DDRGK1: variants seen among roughly 807,000 people sequenced by gnomAD.
DDRGK1 encodes the protein DDRGK domain containing 1.
A neutral mutation model predicts 45.8 loss-of-function variants in DDRGK1; 38 were observed. The ratio of observed to expected loss-of-function variants is 0.83; its 90% CI spans 0.64 to 1.09. The LOEUF is 1.09. Ranked by LOEUF, DDRGK1 falls within the 50% of genes least tolerant of loss-of-function variation. The pLI is 0.00. For synonymous variants in DDRGK1, 171 were observed against 168.7 expected (o/e 1.01, Z -0.11); for missense variants, 403 against 419.9 (o/e 0.96, Z 0.35).
Position 3,200,052 on chromosome 20 carries a change from T to C in DDRGK1, c.459A>G (p.Glu153=). The C allele has an allele frequency of 2.5e-6, 4 of 1,613,982 alleles. No homozygotes were observed. The highest frequency in any genetic ancestry group is 2.5e-6 in the Non-Finnish European group (3 of 1,180,002). ...GCTCCTCCTCCTTCTTCCACTCAGCTTCGCGCTGGGACTCGAGTCGTTTCC... is the reference window on the plus strand; with the variant it reads ...GCTCCTCCTCCTTCTTCCACTCAGCCTCGCGCTGGGACTCGAGTCGTTTCC... ...EERKRLESQR[E]AEWKKEEERL... Residue 153 remains glutamate (E), a synonymous_variant, in exon 4 of 9, where the codon GAA becomes GAG. Transcript: ENST00000354488.
rs963488602 is a variant in DDRGK1 at position 3,195,178 on chromosome 20, ACAGGCTG to A, written c.633+46_633+52del. 3.0e-5 allele frequency: 48 copies of A among 1,612,244 alleles called. No homozygotes were observed. In the African/African-American group the frequency reaches 5.9e-4, roughly 20 times the overall value. ...TGGGGTGGCTAGCCTTGCGTCTGGC[ACAGGCTG>A]CACTGATGGGTGCAGAGAGGGGCTT... On this transcript the variant is annotated intron_variant, in intron 5 of 8. Transcript: ENST00000354488.
At chr20:3,203,133 C>T (rs2067048110) in intron 2 of DDRGK1, 80 bp downstream of exon 2, 3 of 1,321,586 alleles carry the variant, frequency 2.3e-6, no homozygotes, top group Admixed American at 2.9e-5. Context: ...TCATACCCTA[C>T]TCCCCCACTT....
chr20:3,198,296 C>CG (rs1408021536), intron 4 of DDRGK1, among the ~76,000 whole-genome samples: 6 of 146,852 alleles, frequency 4.1e-5, no homozygotes, highest in African/African-American at 1.5e-4. Flanking sequence ...CCCACCTACT[C>CG]GGGAGAATGA....
chr20:3,200,519 C>G, intron 2 of DDRGK1, 65 bp from the exon 3 acceptor site: 1 of 1,414,986 alleles, frequency 7.1e-7, no homozygotes, highest in Middle Eastern at 1.8e-4. Flanking sequence ...GATGGATCCC[C>G]AACCCCTCGT....
intron 4 of DDRGK1, among the ~76,000 whole-genome samples, chr20:3,198,825 A>G (rs1340984662): frequency 6.9e-6 from 1 of 144,144 alleles, no homozygotes; most frequent in African/African-American, 2.6e-5. Context: ...AAGAAAAAGG[A>G]TACTGGGAAA....
At position 3,190,667 on chromosome 20, in the gene DDRGK1, G is replaced by T; in HGVS notation, c.931C>A (p.Gln311Lys). 6.2e-7 allele frequency: 1 copy of T among 1,613,868 alleles called. No individual in the cohort carries two copies. The highest frequency in any genetic ancestry group is 1.7e-4 in the Middle Eastern group (1 of 5,946). The change falls in exon 9 of 9, where the codon CAA (glutamine) becomes AAA (lysine). Residue 311 changes from glutamine (Q) to lysine (K), a missense_variant. By Grantham distance (53) the Gln-to-Lys change is moderately conservative (BLOSUM62 1). Transcript: ENST00000354488. ...AAGGACTGGGGTCAGGCTGGGGCTT[G>T]GGCAGGGGACTCCCGGCCCCAGGCG... The part of the protein sequence containing the change: ...LIAWGRESPA[Q>K]APA
rs746884824 is a variant in DDRGK1, at chr20:3,195,332, G to A, written c.532C>T (p.Arg178Cys). 14 of 1,606,924 alleles carry A rather than the reference G, an allele frequency of 8.7e-6. No homozygotes were observed. The highest frequency in any genetic ancestry group is 4.0e-5 in the African/African-American group (3 of 74,752). The change falls in exon 5 of 9, where the codon CGC (arginine) becomes TGC (cysteine). Residue 178 changes from arginine to cysteine, a missense_variant. Coordinates refer to ENST00000354488, the MANE Select transcript of DDRGK1 (RefSeq NM_023935.3). ...TGCTCCCGCTGGGCCTGCTCCTCGC[G>A]GGCCTTCCTCTCCTCCTCCTCCTGT... is the stretch of plus-strand genomic sequence containing the variant. ...EQKEEEERKAREEQAQREHEE... is the reference protein window; with the variant it reads ...EQKEEEERKACEEQAQREHEE...
intron 1 of DDRGK1, 128 bp downstream of exon 1, chr20:3,204,409 C>A (rs1276724881): frequency 2.2e-6 from 2 of 921,802 alleles, no homozygotes; most frequent in African/African-American, 1.7e-5. Context: ...ACACGACTAG[C>A]GCACGGACGC....
At chr20:3,203,864 T>C (rs115822708) in intron 1 of DDRGK1, among the ~76,000 whole-genome samples, 3,511 of 149,884 alleles carry the variant, frequency 0.023, 130 homozygotes, top group African/African-American at 0.081. Context: ...TCCCTTCCGC[T>C]CCTGGGAGCG....
chr20:3,203,491 A>G, intron 1 of DDRGK1, 75 bp from the exon 2 acceptor site: 1 of 1,432,064 alleles, frequency 7.0e-7, no homozygotes. Flanking sequence ...GGCAGCCCGG[A>G]AGCCTCACCT....
At chr20:3,191,363 C>T (rs2122227549) in intron 7 of DDRGK1, 125 bp from the exon 8 acceptor site, 2 of 1,128,992 alleles carry the variant, frequency 1.8e-6, no homozygotes, top group Non-Finnish European at 2.6e-6. Flanking sequence ...AAATGTGACT[C>T]TGTGCTTTGC....
intron 7 of DDRGK1, chr20:3,191,489 G>A (rs2122227696): frequency 1.5e-6 from 1 of 670,304 alleles, no homozygotes; most frequent in South Asian, 1.7e-5. Context: ...GGCTGGTGCA[G>A]TCTGTGCATG....
chr20:3,200,517 C>CAT, intron 2 of DDRGK1, 63 bp from the exon 3 acceptor site: 1 of 1,425,474 alleles, frequency 7.0e-7, no homozygotes, highest in Non-Finnish European at 9.7e-7. Flanking sequence ...ACGATGGATC[C>CAT]CCAACCCCTC....
intron 8 of DDRGK1, 110 bp from the exon 9 acceptor site, chr20:3,190,929 G>C (rs374875243): frequency 6.9e-7 from 1 of 1,451,626 alleles, no homozygotes; most frequent in Non-Finnish European, 9.2e-7. Flanking sequence ...CCGGCCTCCT[G>C]CCTGCCTGGA....
At position 3,190,590 on chromosome 20, in the gene DDRGK1, G is replaced by T; in HGVS notation, c.*63C>A. ...CATCACTTCCCCAGGATGGTGGGGA[G>T]GGATGAAGATGTATAGCCAGGTAGG... is the stretch of plus-strand genomic sequence containing the variant. On this transcript the variant is annotated 3_prime_UTR_variant, in exon 9 of 9. Transcript: ENST00000354488. 6.3e-7 allele frequency: 1 copy of T among 1,577,724 alleles called. No homozygotes were observed.
At chr20:3,193,533 G>A (rs1204966892) in intron 6 of DDRGK1, among the ~76,000 whole-genome samples, 1 of 152,092 alleles carries the variant, frequency 6.6e-6, no homozygotes, top group African/African-American at 2.4e-5. Flanking sequence ...ACCATGCCTG[G>A]CTAATTTTTG....
At chr20:3,203,574 C>A (rs2067051690) in intron 1 of DDRGK1, among the ~76,000 whole-genome samples, 158 bp from the exon 2 acceptor site, 1 of 152,258 alleles carries the variant, frequency 6.6e-6, no homozygotes, top group Non-Finnish European at 1.5e-5. Context: ...GCCTTTTCCA[C>A]CAGGCCCACA....
chr20:3,197,774 A>G (rs1196470490), intron 4 of DDRGK1, among the ~76,000 whole-genome samples: 1 of 151,976 alleles, frequency 6.6e-6, no homozygotes, highest in Non-Finnish European at 1.5e-5. Context: ...TACCAAAAAT[A>G]CAAAAATTAG....
At chr20:3,198,664 C>T (rs1486188567) in intron 4 of DDRGK1, among the ~76,000 whole-genome samples, 1 of 125,250 alleles carries the variant, frequency 8.0e-6, no homozygotes, top group Non-Finnish European at 1.6e-5. Flanking sequence ...GATGCCACTG[C>T]ACTCCAGCCT....
Sources: allele counts gnomAD v4.1 joint callset (sites outside exome capture counted in the v4.1 genomes callset), GRCh38; gene constraint gnomAD v4.1.1; transcripts MANE v1.5; gene names NCBI Gene and HGNC (gene_info 2026-07-23, HGNC 2026-07-21).